Variants in GPR26 observed in about 807,000 individuals in gnomAD.
The protein encoded by GPR26 is G protein-coupled receptor 26.
A neutral mutation model predicts 23.1 loss-of-function variants in GPR26; 15 were observed. The ratio of observed to expected loss-of-function variants is 0.65; its 90% CI spans 0.43 to 1.00. The LOEUF (loss-of-function observed/expected upper bound fraction) is 1.00, where lower values mean the gene tolerates loss of function less well. Ranked by LOEUF, GPR26 falls within the 50% of genes least tolerant of loss-of-function variation. GPR26 has a pLI of 0.00. For missense variants in GPR26, 359 were observed against 470.5 expected (o/e 0.76, Z 2.19); for synonymous variants, 228 against 222.1 (o/e 1.03, Z -0.24).
rs1426571590 is a variant in GPR26 at position 123,693,434 on chromosome 10, C to G, written c.*5274C>G. 6.6e-6 allele frequency: 1 copy of G among 152,334 alleles called. No individual in the cohort carries two copies. The highest frequency in any genetic ancestry group is 1.5e-5 in the Non-Finnish European group (1 of 68,216). 9.4% of individuals were successfully genotyped at this position (152,334 alleles called of 1,614,324 possible). A position where few individuals can be genotyped will look rare whatever the true frequency, so the allele number is the denominator to read the frequency against. ...AGCCGGGAGAACTGACTTAGAGGGC[C>G]CTGGTGTTGGCTCTGGAACCTGGGC... On this transcript the variant is annotated 3_prime_UTR_variant, in exon 3 of 3. Coordinates refer to ENST00000284674, the MANE Select transcript of GPR26 (RefSeq NM_153442.4).
At chr10:123,683,163 G>T (rs930555171) in intron 2 of GPR26, among the ~76,000 whole-genome samples, 3 of 75,662 alleles carry the variant, frequency 4.0e-5, no homozygotes, top group Admixed American at 3.7e-4. Flanking sequence ...AAGTACAGGT[G>T]CTTGATCACA....
At chr10:123,686,879 G>C (rs1457408812) in intron 2 of GPR26, among the ~76,000 whole-genome samples, 1 of 152,292 alleles carries the variant, frequency 6.6e-6, no homozygotes, top group Middle Eastern at 3.4e-3. Context: ...ATATGACAGT[G>C]GGTGGAGGAG....
In GPR26 at chr10:123,694,013, C is replaced by G. The variant is rs919780183; in HGVS notation, c.*5853C>G. ...GCAGGCTGTGGTCCAGAACTATGAG[C>G]AGACTTGCCTGTCACTCTCCAAACA... is the stretch of plus-strand genomic sequence containing the variant. On this transcript the variant is annotated 3_prime_UTR_variant, in exon 3 of 3. Coordinates refer to ENST00000284674, the MANE Select transcript of GPR26 (RefSeq NM_153442.4). 1.4e-4 allele frequency: 21 copies of G among 150,474 alleles called. No individual in the cohort carries two copies. Among genetic ancestry groups the G allele is most frequent in the African/African-American group, 5.1e-4 (21 of 41,304 alleles). The allele number at this position is 150,474 out of a possible 1,614,324, so 9.3% of individuals were successfully genotyped here. A position where few individuals can be genotyped will look rare whatever the true frequency, so the allele number is the denominator to read the frequency against.
intron 2 of GPR26, among the ~76,000 whole-genome samples, chr10:123,675,833 C>CGTGTGTGTGTACGTGTGT (rs1845302851): frequency 2.0e-4 from 27 of 134,176 alleles, no homozygotes; most frequent in Non-Finnish European, 3.0e-4. Context: ...TGTGTGTGTA[C>CGTGTGTGTGTACGTGTGT]GTGTGTGTGT....
Position 123,667,072 on chromosome 10 carries a change from C to G in GPR26, c.665C>G (p.Pro222Arg). Residue 222 changes from proline to arginine, a missense_variant, in exon 1 of 3, where the codon CCC (proline) becomes CGC (arginine). By Grantham distance (103) the Pro-to-Arg change is moderately radical. Coordinates refer to ENST00000284674, the MANE Select transcript of GPR26 (RefSeq NM_153442.4). ...CTGGTGCTGCTGGTGGACCTGCACC[C>G]CAGGTGAGCCGAGCGCAGCTAAGGC... ...QTLVLLVDLH[P>R]SVRERCLEEQ... 1.3e-6 allele frequency: 2 copies of G among 1,584,256 alleles called. No homozygotes were observed. Among genetic ancestry groups the G allele is most frequent in the Non-Finnish European group, 1.7e-6 (2 of 1,164,918 alleles).
Position 123,688,229 on chromosome 10 carries a change from G to A in GPR26, c.*69G>A, listed in dbSNP as rs897228799. The stretch of plus-strand genomic sequence containing the variant: ...AGAAGAAGGGTGGGAGGGCGTGGGG[G>A]CCCCTGGGTGGACACCACCAGCCAC... On this transcript the variant is annotated 3_prime_UTR_variant, in exon 3 of 3. Coordinates refer to ENST00000284674, the MANE Select transcript of GPR26 (RefSeq NM_153442.4). 1.4e-5 allele frequency: 12 copies of A among 878,258 alleles called. No homozygotes were observed. The highest frequency in any genetic ancestry group is 2.3e-4 in the Middle Eastern group (1 of 4,398). The allele number at this position is 878,258 out of a possible 1,614,324, so 54.4% of individuals were successfully genotyped here. A position where few individuals can be genotyped will look rare whatever the true frequency, so the allele number is the denominator to read the frequency against.
chr10:123,675,979 A>G (rs1345689502), intron 2 of GPR26, among the ~76,000 whole-genome samples: 1 of 152,158 alleles, frequency 6.6e-6, no homozygotes, highest in Non-Finnish European at 1.5e-5. Flanking sequence ...TGCACACCCC[A>G]GTGAGGAGGG....
intron 2 of GPR26, among the ~76,000 whole-genome samples, chr10:123,681,674 C>G (rs553600925): frequency 2.0e-5 from 3 of 152,186 alleles, no homozygotes; most frequent in Non-Finnish European, 4.4e-5. Context: ...ACTGGCTGGG[C>G]GGGGGATTCC....
At chr10:123,680,157 G>A (rs1344751105) in intron 2 of GPR26, among the ~76,000 whole-genome samples, 2 of 152,238 alleles carry the variant, frequency 1.3e-5, no homozygotes, top group Non-Finnish European at 2.9e-5. Context: ...CACAGAAGAT[G>A]TGGCAGGTGT....
rs183245264 is a variant in GPR26, at chr10:123,673,330, C to T, written c.669-1488C>T. ...CTCCTGGCAGGCAGGGAAGGCTGCC[C>T]TGGCATTAGCGATGTACATGAACCT... On this transcript the variant is annotated intron_variant, in intron 1 of 2. Coordinates refer to ENST00000284674, the MANE Select transcript of GPR26 (RefSeq NM_153442.4). 1.8e-3 allele frequency among the ~76,000 whole-genome samples: 273 copies of T among 152,240 alleles called. 2 individuals are homozygous for T. The highest frequency in any genetic ancestry group is 2.4e-4 in the Non-Finnish European group (16 of 68,028).
intron 2 of GPR26, among the ~76,000 whole-genome samples, chr10:123,683,249 C>T (rs745609123): frequency 2.0e-5 from 3 of 152,246 alleles, no homozygotes; most frequent in Non-Finnish European, 4.4e-5. Flanking sequence ...CACCGGCACC[C>T]ACCTTCCAGT....
Position 123,688,153 on chromosome 10 carries a change from C to T in GPR26, c.1007C>T (p.Ser336Phe). ...DSHSQNILPV[S>F]E ...CACAGCCAGAACATTCTGCCGGTGT[C>T]TGAGTGAAGGACCGCGCTCCTGCTG... is the stretch of plus-strand genomic sequence containing the variant. Residue 336 changes from serine (S) to phenylalanine (F), a missense_variant, in exon 3 of 3, where the codon TCT becomes TTT. Coordinates refer to ENST00000284674, the MANE Select transcript of GPR26 (RefSeq NM_153442.4). 6.5e-7 allele frequency: 1 copy of T among 1,540,878 alleles called. No individual in the cohort carries two copies. Among genetic ancestry groups the T allele is most frequent in the Non-Finnish European group, 8.8e-7 (1 of 1,133,320 alleles).
chr10:123,678,768 G>A (rs1448381086), intron 2 of GPR26, among the ~76,000 whole-genome samples: 1 of 152,324 alleles, frequency 6.6e-6, no homozygotes, highest in Non-Finnish European at 1.5e-5. Context: ...GTGCATGGGT[G>A]CGGCCAGGAC....
intron 1 of GPR26, among the ~76,000 whole-genome samples, chr10:123,672,290 G>A (rs945677673): frequency 6.6e-6 from 1 of 152,162 alleles, no homozygotes; most frequent in African/African-American, 2.4e-5. Flanking sequence ...GATCTGGGGT[G>A]CGTGGATGAG....
intron 2 of GPR26, among the ~76,000 whole-genome samples, chr10:123,678,859 A>T (rs1370193600): frequency 6.6e-6 from 1 of 152,140 alleles, no homozygotes. Context: ...TTAATCTCAC[A>T]GTCACCTCCA....
chr10:123,677,651 C>T (rs1845324713), intron 2 of GPR26, among the ~76,000 whole-genome samples: 1 of 152,160 alleles, frequency 6.6e-6, no homozygotes, highest in African/African-American at 2.4e-5. Flanking sequence ...AGTCCTCTAA[C>T]CCAGATGGAG....
In GPR26 at chr10:123,674,133, T is replaced by A. The variant is rs1823089209; in HGVS notation, c.669-685T>A. Among the ~76,000 whole-genome samples the A allele has an allele frequency of 6.6e-6, 1 of 152,170 alleles. No homozygotes were observed. The highest frequency in any genetic ancestry group is 2.4e-5 in the African/African-American group (1 of 41,428). On this transcript the variant is annotated intron_variant, in intron 1 of 2. Coordinates refer to ENST00000284674, the MANE Select transcript of GPR26 (RefSeq NM_153442.4). This position sits in a 1 kb window ranked among gnomAD's most constrained non-coding sequence, Gnocchi z 4.1. ...CCACCACGCATGGCTAATTTTTGTATTTTTGGTACAGGCGAGGTTTCACCA... is the reference window on the plus strand; with the variant it reads ...CCACCACGCATGGCTAATTTTTGTAATTTTGGTACAGGCGAGGTTTCACCA...
At position 123,679,650 on chromosome 10, in the gene GPR26, A is replaced by G. The variant is rs1309658991; in HGVS notation, c.782+4719A>G. Among the ~76,000 whole-genome samples the G allele has an allele frequency of 2.6e-5, 4 of 152,240 alleles. No homozygotes were observed. In the East Asian group the frequency reaches 7.7e-4, roughly 29 times the overall value. Reference sequence around the variant, plus strand: ...TTTGAATAATTGCCCAGAGCTATGCATCTAGTCAGCAGTGGAACTGGACTT... The same window carrying G: ...TTTGAATAATTGCCCAGAGCTATGCGTCTAGTCAGCAGTGGAACTGGACTT... On this transcript the variant is annotated intron_variant, in intron 2 of 2. Transcript: ENST00000284674.
chr10:123,670,440 C>A (rs1845236087), intron 1 of GPR26, among the ~76,000 whole-genome samples: 1 of 152,340 alleles, frequency 6.6e-6, no homozygotes, highest in Admixed American at 6.5e-5. Context: ...TGGAGGCTCA[C>A]CAACTGTGTC....
Sources: gnomAD v4.1 joint callset for allele counts (sites outside exome capture counted in the v4.1 genomes callset) on GRCh38, gnomAD v4.1.1 for gene constraint, Gnocchi (gnomAD v3.1) non-coding constraint, MANE v1.5 for transcripts, NCBI Gene and HGNC (gene_info 2026-07-23, HGNC 2026-07-21) for gene names.